Variants in USP49 observed in about 807,000 individuals in gnomAD.
The protein encoded by USP49 is ubiquitin carboxyl-terminal hydrolase 49.
In USP49, 24 loss-of-function variants were observed where a neutral mutation model predicts 58.6. That is an observed-to-expected ratio of 0.41 (90% CI 0.30 to 0.58). The LOEUF (loss-of-function observed/expected upper bound fraction) is 0.58. Ranked by LOEUF, USP49 falls within the 20% of genes least tolerant of loss-of-function variation. USP49 has a pLI of 0.30. For synonymous variants in USP49, 408 were observed against 365.1 expected (o/e 1.12, Z -1.34); for missense variants, 703 against 866.1 (o/e 0.81, Z 2.36).
intron 3 of USP49, among the ~76,000 whole-genome samples, chr6:41,840,780 G>C (rs1420055689): frequency 6.6e-6 from 1 of 151,934 alleles, no homozygotes; most frequent in African/African-American, 2.4e-5. Flanking sequence ...TGAAATAGTG[G>C]GTTCTGAATT....
At chr6:41,815,369 C>T (rs1269201340) in intron 3 of USP49, among the ~76,000 whole-genome samples, 1 of 150,756 alleles carries the variant, frequency 6.6e-6, no homozygotes. Flanking sequence ...TCCAGTGAGC[C>T]AAGATTGCGC....
intron 4 of USP49, 33 bp downstream of exon 4, chr6:41,805,595 A>G: frequency 6.3e-7 from 1 of 1,583,238 alleles, no homozygotes; most frequent in Non-Finnish European, 8.6e-7. Flanking sequence ...CTAACATACA[A>G]GCCTCTCATT....
intron 3 of USP49, among the ~76,000 whole-genome samples, chr6:41,807,943 T>C (rs1773173000): frequency 6.6e-6 from 1 of 150,960 alleles, no homozygotes; most frequent in African/African-American, 2.4e-5. Flanking sequence ...ACCCGGCTAA[T>C]TTTTTTGTAT....
At chr6:41,819,040 C>CT (rs1561908788) in intron 3 of USP49, among the ~76,000 whole-genome samples, 1 of 151,828 alleles carries the variant, frequency 6.6e-6, no homozygotes, top group African/African-American at 2.4e-5. Context: ...GAAAAGATTT[C>CT]TTTTTTTAAA....
At chr6:41,846,116 G>C (rs926716685) in intron 3 of USP49, among the ~76,000 whole-genome samples, 8 of 152,152 alleles carry the variant, frequency 5.3e-5, no homozygotes, top group Admixed American at 2.0e-4. Flanking sequence ...AGGAGGTCGA[G>C]AGCAGCTGGA....
intron 3 of USP49, among the ~76,000 whole-genome samples, chr6:41,824,287 GA>G (rs1773500215): frequency 6.6e-6 from 1 of 151,784 alleles, no homozygotes; most frequent in Non-Finnish European, 1.5e-5. Flanking sequence ...TTAAAAACAA[GA>G]AAAATCACTA....
chr6:41,860,272 GGAGA>G (rs199638282), intron 3 of USP49, among the ~76,000 whole-genome samples: 1,964 of 150,430 alleles, frequency 0.013, 28 homozygotes, highest in South Asian at 0.06. Context: ...AGGGAGGGAG[GGAGA>G]GAGAGAGAAA....
In USP49 at chr6:41,798,974, A is replaced by G. The variant is rs1395588523; in HGVS notation, c.1671-45T>C. ...TTGTTACTAGTAAAAACTGGCATATATAATCGTAGGTAGAGGTAGGTATTA... is the reference window on the plus strand; with the variant it reads ...TTGTTACTAGTAAAAACTGGCATATGTAATCGTAGGTAGAGGTAGGTATTA... On this transcript the variant is annotated intron_variant, in intron 6 of 7. Transcript: ENST00000682992. 1.2e-5 allele frequency: 19 copies of G among 1,595,236 alleles called. No individual in the cohort carries two copies. The Admixed American group carries it at 3.2e-4, about 27-fold the overall frequency.
intron 3 of USP49, among the ~76,000 whole-genome samples, chr6:41,854,691 C>T (rs745798757): frequency 7.2e-5 from 11 of 152,108 alleles, no homozygotes; most frequent in Admixed American, 3.3e-4. Flanking sequence ...TGTACACACA[C>T]GTGTGCATTT....
In USP49 at chr6:41,806,740, A is replaced by G; in HGVS notation, c.244T>C (p.Tyr82His). 1.2e-6 allele frequency: 2 copies of G among 1,614,260 alleles called. No individual in the cohort carries two copies. The highest frequency in any genetic ancestry group is 1.7e-6 in the Non-Finnish European group (2 of 1,180,042). The change falls in exon 4 of 8, where the codon TAC (tyrosine) becomes CAC (histidine). Residue 82 changes from tyrosine to histidine, a missense_variant. This residue lies in a region of USP49 where 376 missense variants were observed against 373.5 expected (regional missense o/e 1.01). Transcript: ENST00000682992. The surrounding 1 kb of genome is among the most constrained non-coding windows in gnomAD (Gnocchi z 5.9). Reference protein sequence around the residue: ...LYVFCYLCKDYVLNDNPEGDL... With the variant: ...LYVFCYLCKDHVLNDNPEGDL... ...CCCTCTGGGTTATCATTGAGCACGTAGTCCTTGCACAGGTAACAGAACACG... is the reference window on the plus strand; with the variant it reads ...CCCTCTGGGTTATCATTGAGCACGTGGTCCTTGCACAGGTAACAGAACACG...
At chr6:41,894,570 C>A in intron 1 of USP49, 1 of 152,740 alleles carries the variant, frequency 6.5e-6, no homozygotes. Flanking sequence ...AGTTCACACC[C>A]TCGTCACGTC....
chr6:41,831,177 G>C (rs1477531929), intron 3 of USP49, among the ~76,000 whole-genome samples: 1 of 152,050 alleles, frequency 6.6e-6, no homozygotes, highest in Non-Finnish European at 1.5e-5. Context: ...AGATCACGAA[G>C]TCAGGAGTTT....
intron 3 of USP49, among the ~76,000 whole-genome samples, chr6:41,864,637 A>T (rs1017670810): frequency 2.0e-5 from 3 of 152,232 alleles, no homozygotes; most frequent in Non-Finnish European, 4.4e-5. Flanking sequence ...AATTAAAAAA[A>T]AATTCTATTA....
chr6:41,853,743 T>G (rs1258733789), intron 3 of USP49, among the ~76,000 whole-genome samples: 1 of 152,004 alleles, frequency 6.6e-6, no homozygotes, highest in Non-Finnish European at 1.5e-5. Context: ...ACGCCTGTAA[T>G]CCCAGCACTC....
At chr6:41,807,805 C>T (rs1463727565) in intron 3 of USP49, among the ~76,000 whole-genome samples, 1 of 151,062 alleles carries the variant, frequency 6.6e-6, no homozygotes, top group Admixed American at 6.6e-5. Flanking sequence ...GTCGAGCCTC[C>T]CTCTGTCACC....
At chr6:41,863,859 G>A (rs1202868244) in intron 3 of USP49, among the ~76,000 whole-genome samples, 6 of 152,106 alleles carry the variant, frequency 3.9e-5, no homozygotes, top group Non-Finnish European at 8.8e-5. Flanking sequence ...TCGGGCTCAG[G>A]TGATCACCCC....
At chr6:41,875,242 T>C (rs894667805) in intron 2 of USP49, among the ~76,000 whole-genome samples, 1 of 152,010 alleles carries the variant, frequency 6.6e-6, no homozygotes, top group Non-Finnish European at 1.5e-5. Flanking sequence ...ATGTATATTT[T>C]ATATGTTTTA....
intron 3 of USP49, among the ~76,000 whole-genome samples, chr6:41,859,576 C>T (rs760352926): frequency 4.1e-4 from 62 of 152,086 alleles, no homozygotes; most frequent in Admixed American, 3.3e-4. Context: ...AAGAAGACAT[C>T]GTGCCGAGAA....
At position 41,803,831 on chromosome 6, in the gene USP49, T is replaced by C; in HGVS notation, c.1536A>G (p.Arg512=). 1.9e-6 allele frequency: 3 copies of C among 1,614,164 alleles called. No individual in the cohort carries two copies. Among genetic ancestry groups the C allele is most frequent in the Non-Finnish European group, 2.5e-6 (3 of 1,180,018 alleles). The change falls in exon 5 of 8, where the codon AGA becomes AGG. Residue 512 remains arginine, a synonymous_variant. Transcript: ENST00000682992. The surrounding 1 kb of genome is among the most constrained non-coding windows in gnomAD (Gnocchi z 4.1). The part of the protein sequence containing the change: ...KFTETEALEG[R]IYACDQCNSK... ...TGTTACACTGGTCACAAGCGTAGATTCTCCCTTCCAGGGCCTCTGTCTCTG... is the reference window on the plus strand; with the variant it reads ...TGTTACACTGGTCACAAGCGTAGATCCTCCCTTCCAGGGCCTCTGTCTCTG...
Sources: allele counts gnomAD v4.1 joint callset (sites outside exome capture counted in the v4.1 genomes callset), GRCh38; gene constraint gnomAD v4.1.1; regional missense constraint gnomAD v4.1.1; non-coding constraint Gnocchi (gnomAD v3.1); transcripts MANE v1.5; gene names NCBI Gene and HGNC (gene_info 2026-07-23, HGNC 2026-07-21).